TIAM1: variants seen among roughly 807,000 people sequenced by gnomAD.
TIAM1 encodes the protein rho guanine nucleotide exchange factor TIAM1.
A neutral mutation model predicts 163.5 loss-of-function variants in TIAM1; 65 were observed. That is an observed-to-expected ratio of 0.40 (90% CI 0.33 to 0.49). The LOEUF is 0.49. Among genes scored for constraint, TIAM1 ranks in the 20% least tolerant of loss-of-function variants. The probability of loss-of-function intolerance (pLI) is 0.77; values close to 1 mark genes in which losing one functional copy is unlikely to be tolerated. For synonymous variants in TIAM1, 833 were observed against 810.1 expected (o/e 1.03, Z -0.48); for missense variants, 1,789 against 2,044.7 (o/e 0.87, Z 2.41).
At chr21:31,497,281 T>C (rs1463129361) in intron 1 of TIAM1, among the ~76,000 whole-genome samples, 2 of 152,254 alleles carry the variant, frequency 1.3e-5, no homozygotes, top group African/African-American at 4.8e-5. Flanking sequence ...CATAACTGTG[T>C]ATGAAAGTTT....
chr21:31,479,356 T>C (rs1407721159), intron 1 of TIAM1, among the ~76,000 whole-genome samples: 1 of 146,036 alleles, frequency 6.8e-6, no homozygotes, highest in East Asian at 1.9e-4. Context: ...TAATTATGCA[T>C]GTGGATGGAT....
chr21:31,298,767 T>TGTGTGAGA (rs777256501), intron 2 of TIAM1, among the ~76,000 whole-genome samples: 72 of 125,952 alleles, frequency 5.7e-4, no homozygotes, highest in African/African-American at 2.1e-3. Context: ...TGTGTGTGTG[T>TGTGTGAGA]GAGAAACAGA....
intron 6 of TIAM1, among the ~76,000 whole-genome samples, chr21:31,231,080 C>T (rs2088390680): frequency 6.6e-6 from 1 of 151,864 alleles, no homozygotes; most frequent in Non-Finnish European, 1.5e-5. Context: ...AGTGACATCA[C>T]TGCTCAACAA....
At chr21:31,494,071 C>T (rs1460201197) in intron 1 of TIAM1, among the ~76,000 whole-genome samples, 1 of 152,168 alleles carries the variant, frequency 6.6e-6, no homozygotes, top group Admixed American at 6.5e-5. Flanking sequence ...TGTGCCACTA[C>T]GCCCAGCTAA....
chr21:31,228,234 A>ATT (rs1569068697), intron 6 of TIAM1, among the ~76,000 whole-genome samples: 1 of 32,398 alleles, frequency 3.1e-5, no homozygotes, highest in East Asian at 1.0e-3. Context: ...AAAAAAAAAA[A>ATT]AAAAAAAAAA....
intron 15 of TIAM1, among the ~76,000 whole-genome samples, chr21:31,174,108 G>A (rs1452931673): frequency 6.6e-6 from 1 of 152,174 alleles, no homozygotes; most frequent in Admixed American, 6.5e-5. Flanking sequence ...TTTGTTTGTG[G>A]GAAGAGAAAT....
In TIAM1 at chr21:31,418,083, C is replaced by T. The variant is rs138673811; in HGVS notation, c.-369+45900G>A. Reference sequence around the variant, plus strand: ...AAAAAGGTGCCCTCTAGGCCAGGTGCGGTGGCTCATACCTGTAATCCCAGC... The same window carrying T: ...AAAAAGGTGCCCTCTAGGCCAGGTGTGGTGGCTCATACCTGTAATCCCAGC... On this transcript the variant is annotated intron_variant, in intron 2 of 28. Coordinates refer to the TIAM1 transcript ENST00000286827. 6.1e-3 allele frequency among the ~76,000 whole-genome samples: 921 copies of T among 152,110 alleles called. 3 individuals carry two copies. Among genetic ancestry groups the T allele is most frequent in the African/African-American group, 0.013 (558 of 41,498 alleles).
rs8127708 is a variant in TIAM1, at chr21:31,224,306, A to G, written c.1810-715T>C. The stretch of plus-strand genomic sequence containing the variant: ...ACAAAATATATATCACTGTACACAC[A>G]TGTTCATAGCAGCACTGTTTGCAAA... On this transcript the variant is annotated intron_variant, in intron 7 of 27. Transcript: ENST00000541036. 9.0e-3 allele frequency among the ~76,000 whole-genome samples: 1,372 copies of G among 152,326 alleles called. 9 individuals are homozygous for G. The highest frequency in any genetic ancestry group is 0.029 in the African/African-American group (1,203 of 41,570).
At position 31,165,010 on chromosome 21, in the gene TIAM1, G is replaced by A. The variant is rs752729470; in HGVS notation, c.2943C>T (p.Thr981=). The change falls in exon 16 of 28, where the codon ACC becomes ACT. Residue 981 remains threonine (T), a synonymous_variant. Transcript: ENST00000541036. ...CTGAGGATTCCAAGTCTGGCCCCTC[G>A]GTCTCCTCTGGAGCGGTCTCAGCAC... ...GSSAETAPEE[T]EGPDLESSDE... is the part of the protein sequence containing the mutation. 24 of 1,613,956 alleles carry A rather than the reference G, an allele frequency of 1.5e-5. 1 individual carries two copies. Among genetic ancestry groups the A allele is most frequent in the East Asian group, 8.9e-5 (4 of 44,890 alleles).
At chr21:31,187,207 T>C (rs2085344546) in intron 13 of TIAM1, 120 bp from the exon 14 acceptor site, 2 of 850,812 alleles carry the variant, frequency 2.4e-6, no homozygotes, top group African/African-American at 1.7e-5. Flanking sequence ...TTTGGACTGA[T>C]TGTTTTTTCT....
intron 6 of TIAM1, among the ~76,000 whole-genome samples, chr21:31,230,989 T>C (rs903490926): frequency 1.3e-5 from 2 of 152,178 alleles, no homozygotes; most frequent in Non-Finnish European, 2.9e-5. Flanking sequence ...TCTAGGAATA[T>C]GGGAGAATAG....
intron 1 of TIAM1, among the ~76,000 whole-genome samples, chr21:31,557,938 G>A (rs1009622517): frequency 2.0e-5 from 3 of 152,088 alleles, no homozygotes; most frequent in African/African-American, 7.2e-5. Context: ...TAGAGGCGCC[G>A]TGCGCGGCGG....
chr21:31,180,693 C>T (rs2084973586), intron 15 of TIAM1, among the ~76,000 whole-genome samples: 1 of 152,198 alleles, frequency 6.6e-6, no homozygotes, highest in Non-Finnish European at 1.5e-5. Flanking sequence ...CCAGAAACAA[C>T]TCTATCTGTG....
chr21:31,452,624 A>G (rs534042210), intron 2 of TIAM1: 20 of 508,518 alleles, frequency 3.9e-5, no homozygotes, highest in South Asian at 3.7e-4. Context: ...ATTATAAAAG[A>G]CTTATCCATA....
intron 2 of TIAM1, among the ~76,000 whole-genome samples, chr21:31,428,347 C>A (rs762184368): frequency 6.6e-6 from 1 of 152,154 alleles, no homozygotes. Context: ...AATACCCCTT[C>A]CTATATATGT....
intron 16 of TIAM1, among the ~76,000 whole-genome samples, chr21:31,157,555 C>G (rs1465094893): frequency 6.6e-6 from 1 of 152,126 alleles, no homozygotes; most frequent in East Asian, 1.9e-4. Flanking sequence ...TGGAGCCTAT[C>G]TTGACAGCTC....
intron 23 of TIAM1, among the ~76,000 whole-genome samples, chr21:31,132,893 TTTTG>T (rs570891172): frequency 7.3e-4 from 111 of 152,336 alleles, no homozygotes; most frequent in African/African-American, 2.5e-3. Context: ...CTATTTCTAT[TTTTG>T]TTTGTTTCTG....
chr21:31,472,344 T>C (rs964436430), intron 1 of TIAM1, among the ~76,000 whole-genome samples: 2 of 152,016 alleles, frequency 1.3e-5, no homozygotes, highest in Non-Finnish European at 2.9e-5. Context: ...CTGGCCAACA[T>C]GGCTAAACCC....
chr21:31,286,092 A>G (rs1436149881), intron 2 of TIAM1, among the ~76,000 whole-genome samples: 2 of 152,216 alleles, frequency 1.3e-5, no homozygotes, highest in Non-Finnish European at 2.9e-5. Flanking sequence ...ATATGTAAAA[A>G]GTGAAATTGT....
Sources: gnomAD v4.1 joint callset for allele counts (sites outside exome capture counted in the v4.1 genomes callset) on GRCh38, gnomAD v4.1.1 for gene constraint, MANE v1.5 for transcripts, NCBI Gene and HGNC (gene_info 2026-07-23, HGNC 2026-07-21) for gene names.